Variants in ZBED4 observed in about 807,000 individuals in gnomAD.
ZBED4 encodes the protein zinc finger BED-type containing 4.
A neutral mutation model predicts 15.5 loss-of-function variants in ZBED4; 4 were observed. The ratio of observed to expected loss-of-function variants is 0.26; its 90% CI spans 0.13 to 0.59. The LOEUF is 0.59. Ranked by LOEUF, ZBED4 falls within the 20% of genes least tolerant of loss-of-function variation. The pLI, the probability that ZBED4 is intolerant of heterozygous loss-of-function variation, is 0.90. For synonymous variants in ZBED4, 692 were observed against 608.5 expected, an observed-to-expected ratio of 1.14 and a Z score of -2.02; for missense variants, 1,323 against 1,461.8, an observed-to-expected ratio of 0.91 and a Z score of 1.55.
In ZBED4 at chr22:49,884,963, A is replaced by T. The variant is rs2060429553; in HGVS notation, c.1301A>T (p.Asp434Val). Residue 434 changes from aspartate to valine, a missense_variant, in exon 2 of 2, where the codon GAT becomes GTT. Asp to Val is a radical substitution (Grantham distance 152). Coordinates refer to ENST00000216268, the MANE Select transcript of ZBED4 (RefSeq NM_014838.3). ...SASSPEKQQADGLSPRLFESG... is the reference protein window; with the variant it reads ...SASSPEKQQAVGLSPRLFESG... ...TCCTCTCCTGAGAAGCAGCAGGCTG[A>T]TGGGCTGAGTCCTAGATTGTTTGAA... The T allele has an allele frequency of 1.2e-6, 2 of 1,612,376 alleles. No individual in the cohort carries two copies. The highest frequency in any genetic ancestry group is 2.7e-5 in the African/African-American group (2 of 74,912).
chr22:49,880,503 G>A (rs575065547), intron 1 of ZBED4, among the ~76,000 whole-genome samples: 145 of 152,348 alleles, frequency 9.5e-4, no homozygotes, highest in Non-Finnish European at 1.6e-3. Context: ...GGCAGGTGGG[G>A]CTCCCTCTTT....
At chr22:49,877,258 ATTAT>A (rs200275015) in intron 1 of ZBED4, among the ~76,000 whole-genome samples, 8,511 of 144,618 alleles carry the variant, frequency 0.059, 383 homozygotes, top group African/African-American at 0.12. Context: ...AAACAGCTTT[ATTAT>A]TTATTTATTT....
At chr22:49,873,731 C>T (rs1325717346) in intron 1 of ZBED4, among the ~76,000 whole-genome samples, 2 of 152,200 alleles carry the variant, frequency 1.3e-5, no homozygotes, top group African/African-American at 2.4e-5. Context: ...TCATCACCCC[C>T]ACCCTGCAGC....
rs548415171 is a variant in ZBED4 at position 49,863,521 on chromosome 22, G to T, written c.-330+9532G>T. On this transcript the variant is annotated intron_variant, in intron 1 of 1. Transcript: ENST00000216268. ...GAGTGCCTGTAATCCCAGCTGCTCA[G>T]GAGGCTGAGGCAGGAGAATTGCTTG... Among the ~76,000 whole-genome samples the T allele has an allele frequency of 7.8e-4, 119 of 152,208 alleles. 1 individual carries two copies. The highest frequency in any genetic ancestry group is 2.7e-3 in the African/African-American group (113 of 41,540).
At chr22:49,861,454 G>A (rs1316672028) in intron 1 of ZBED4, among the ~76,000 whole-genome samples, 1 of 152,168 alleles carries the variant, frequency 6.6e-6, no homozygotes, top group Non-Finnish European at 1.5e-5. Context: ...TTTGTTTTGA[G>A]ATAGCGTCTG....
At position 49,886,775 on chromosome 22, in the gene ZBED4, C is replaced by T. The variant is rs773691636; in HGVS notation, c.3113C>T (p.Ser1038Phe). ...ATCAGGGAACTCGAACTCATGAATTCTACCTCAGAGGACGTGGCTGCCTCC... is the reference window on the plus strand; with the variant it reads ...ATCAGGGAACTCGAACTCATGAATTTTACCTCAGAGGACGTGGCTGCCTCC... ...DLIRELELMNSTSEDVAASHR... is the reference protein window; with the variant it reads ...DLIRELELMNFTSEDVAASHR... The change falls in exon 2 of 2, where the codon TCT (serine) becomes TTT (phenylalanine). Residue 1038 changes from serine (S) to phenylalanine (F), a missense_variant. Coordinates refer to ENST00000216268, the MANE Select transcript of ZBED4 (RefSeq NM_014838.3). The surrounding 1 kb of genome is among the most constrained non-coding windows in gnomAD (Gnocchi z 7.7). 1.2e-6 allele frequency: 2 copies of T among 1,612,386 alleles called. No individual in the cohort carries two copies. The highest frequency in any genetic ancestry group is 2.2e-5 in the South Asian group (2 of 90,890).
intron 1 of ZBED4, among the ~76,000 whole-genome samples, chr22:49,874,702 A>T (rs1204456914): frequency 1.2e-4 from 1 of 8,252 alleles, no homozygotes. Context: ...TTTTTTTGAG[A>T]CGGAGTCTCA....
intron 1 of ZBED4, among the ~76,000 whole-genome samples, chr22:49,864,097 T>C (rs1052365344): frequency 1.3e-5 from 2 of 152,240 alleles, no homozygotes; most frequent in South Asian, 2.1e-4. Context: ...ACAGTCTGCA[T>C]GTGACAGGTG....
Position 49,887,287 on chromosome 22 carries a change from C to T in ZBED4, c.*109C>T. ...CGGCTGTGTACGACATCAGACCAGG[C>T]ACTCTCAGGGCCGCTCTCCAGCTCA... On this transcript the variant is annotated 3_prime_UTR_variant, in exon 2 of 2. Transcript: ENST00000216268. 1.7e-6 allele frequency: 2 copies of T among 1,209,994 alleles called. No homozygotes were observed. The highest frequency in any genetic ancestry group is 2.3e-6 in the Non-Finnish European group (2 of 865,698). 75.0% of individuals were successfully genotyped at this position (1,209,994 alleles called of 1,614,324 possible). A position where few individuals can be genotyped will look rare whatever the true frequency, so the allele number is the denominator to read the frequency against.
In ZBED4 at chr22:49,861,567, G is replaced by A. The variant is rs527637630; in HGVS notation, c.-330+7578G>A. On this transcript the variant is annotated intron_variant, in intron 1 of 1. Transcript: ENST00000216268. ...TCTCACTGTACCCTCCTGAGTAGCT[G>A]GGACTACAGGCGCATGCCACCATGC... Among the ~76,000 whole-genome samples, 3 of 152,298 alleles carry A rather than the reference G, an allele frequency of 2.0e-5. No individual in the cohort carries two copies. The East Asian group carries it at 5.8e-4, about 29-fold the overall frequency.
chr22:49,863,156 T>C (rs2060305104), intron 1 of ZBED4, among the ~76,000 whole-genome samples: 1 of 152,160 alleles, frequency 6.6e-6, no homozygotes, highest in South Asian at 2.1e-4. Context: ...CTCTATCCTT[T>C]GGTTTCTTGT....
intron 1 of ZBED4, among the ~76,000 whole-genome samples, chr22:49,855,076 G>A (rs889667877): frequency 5.9e-5 from 9 of 152,264 alleles, no homozygotes; most frequent in African/African-American, 1.9e-4. Flanking sequence ...TTTGCAAGAG[G>A]AAAGTTTACA....
chr22:49,885,431 A>G lies in ZBED4; in HGVS notation c.1769A>G (p.Lys590Arg). Reference sequence around the variant, plus strand: ...TGTGGCCGGACCATCAGCCGGGGGAAGAAGCCGACTAACTTGGGTACCAGC... The same window carrying G: ...TGTGGCCGGACCATCAGCCGGGGGAGGAAGCCGACTAACTTGGGTACCAGC... ...LHCGRTISRGKKPTNLGTSCL... is the reference protein window; with the variant it reads ...LHCGRTISRGRKPTNLGTSCL... Residue 590 changes from lysine (K) to arginine (R), a missense_variant, in exon 2 of 2, where the codon AAG becomes AGG. Coordinates refer to ENST00000216268, the MANE Select transcript of ZBED4 (RefSeq NM_014838.3). 1 of 1,609,580 alleles carries G rather than the reference A, an allele frequency of 6.2e-7. No individual in the cohort carries two copies. The highest frequency in any genetic ancestry group is 8.5e-7 in the Non-Finnish European group (1 of 1,176,170).
Position 49,886,937 on chromosome 22 carries a change from A to T in ZBED4, c.3275A>T (p.Glu1092Val). Reference protein sequence around the residue: ...EAMVLAYLEEEVLEHSCDPLT... With the variant: ...EAMVLAYLEEVVLEHSCDPLT... Reference sequence around the variant, plus strand: ...ATGGTGCTTGCGTATCTGGAGGAGGAGGTGCTTGAACACAGCTGTGACCCG... The same window carrying T: ...ATGGTGCTTGCGTATCTGGAGGAGGTGGTGCTTGAACACAGCTGTGACCCG... The change falls in exon 2 of 2, where the codon GAG becomes GTG. Residue 1092 changes from glutamate to valine, a missense_variant. Physicochemically the swap from Glu to Val is moderately radical, Grantham distance 121. This residue lies in a region of ZBED4 where 312 missense variants were observed against 410.7 expected (regional missense o/e 0.76). Transcript: ENST00000216268. The surrounding 1 kb of genome is among the most constrained non-coding windows in gnomAD (Gnocchi z 7.7). The T allele has an allele frequency of 6.2e-7, 1 of 1,614,074 alleles. No homozygotes were observed. The highest frequency in any genetic ancestry group is 8.5e-7 in the Non-Finnish European group (1 of 1,180,032).
chr22:49,853,578 C>T (rs534063988), upstream of ZBED4, among the ~76,000 whole-genome samples: 2 of 152,240 alleles, frequency 1.3e-5, no homozygotes, highest in South Asian at 2.1e-4. Context: ...AAGCCCTTCC[C>T]GTCGCCCGCC....
intron 1 of ZBED4, among the ~76,000 whole-genome samples, chr22:49,854,327 C>T (rs531960232): frequency 1.1e-4 from 17 of 150,942 alleles, no homozygotes; most frequent in Non-Finnish European, 2.1e-4. Context: ...CCGGGTCCGC[C>T]GGGAGCGCGC....
rs981247502 is a variant in ZBED4 at position 49,888,202 on chromosome 22, T to C, written c.*1024T>C. 2 of 167,210 alleles carry C rather than the reference T, an allele frequency of 1.2e-5. No homozygotes were observed. Among genetic ancestry groups the C allele is most frequent in the Non-Finnish European group, 2.9e-5 (2 of 68,128 alleles). 10.4% of individuals were successfully genotyped at this position (167,210 alleles called of 1,614,324 possible). On this transcript the variant is annotated 3_prime_UTR_variant, in exon 2 of 2. Transcript: ENST00000216268. ...AAATCCCAAGGACATCAGAGTGAAG[T>C]GTCAGTTGTCAGATGATTTTAAAAG...
chr22:49,881,341 C>T (rs763070114), intron 1 of ZBED4, among the ~76,000 whole-genome samples: 56 of 152,220 alleles, frequency 3.7e-4, no homozygotes, highest in Non-Finnish European at 7.5e-4. Flanking sequence ...ACAGAGTGAT[C>T]CGTCTCAAAA....
chr22:49,865,877 T>C (rs1402222023), intron 1 of ZBED4, among the ~76,000 whole-genome samples: 9 of 151,310 alleles, frequency 5.9e-5, no homozygotes, highest in East Asian at 1.9e-4. Context: ...TTTTTTTTTT[T>C]CCCTTTAATT....
Sources: allele counts gnomAD v4.1 joint callset (sites outside exome capture counted in the v4.1 genomes callset), GRCh38; gene constraint gnomAD v4.1.1; regional missense constraint gnomAD v4.1.1; non-coding constraint Gnocchi (gnomAD v3.1); transcripts MANE v1.5; gene names NCBI Gene and HGNC (gene_info 2026-07-23, HGNC 2026-07-21).